Variants in UST observed in about 807,000 individuals in gnomAD.
UST encodes chondroitin sulfate 2-O-sulfotransferase.
Under a neutral mutation model 45.6 loss-of-function variants are expected in UST, and 21 were observed. The ratio of observed to expected loss-of-function variants is 0.46; its 90% CI spans 0.33 to 0.66. The LOEUF (loss-of-function observed/expected upper bound fraction) is 0.66, where lower values mean the gene tolerates loss of function less well. Ranked by LOEUF, UST falls within the 30% of genes least tolerant of loss-of-function variation. The probability of loss-of-function intolerance (pLI) is 0.02; values close to 1 mark genes in which losing one functional copy is unlikely to be tolerated. For missense variants in UST, 463 were observed against 512.4 expected (o/e 0.90, Z 0.93); for synonymous variants, 215 against 200.6 (o/e 1.07, Z -0.61).
At chr6:148,926,442 G>A (rs1779816498) in intron 2 of UST, among the ~76,000 whole-genome samples, 1 of 152,240 alleles carries the variant, frequency 6.6e-6, no homozygotes, top group Non-Finnish European at 1.5e-5. Flanking sequence ...GCATTAAGCA[G>A]TCCAGGTCTG....
Position 149,062,072 on chromosome 6 carries a change from G to A in UST, c.938-11761G>A, listed in dbSNP as rs537748984. On this transcript the variant is annotated intron_variant, in intron 7 of 7. Transcript: ENST00000367463. Reference sequence around the variant, plus strand: ...AGCACAAATTCATTAGCTGCAAGACGGTGGCTTCTACATAGCTATTTGTGT... The same window carrying A: ...AGCACAAATTCATTAGCTGCAAGACAGTGGCTTCTACATAGCTATTTGTGT... Among the ~76,000 whole-genome samples, 15 of 152,328 alleles carry A rather than the reference G, an allele frequency of 9.8e-5. No individual in the cohort carries two copies. In the South Asian group the frequency reaches 2.5e-3, roughly 25 times the overall value.
chr6:148,947,889 A>C (rs1025270747), intron 3 of UST, among the ~76,000 whole-genome samples: 4 of 151,510 alleles, frequency 2.6e-5, no homozygotes, highest in Non-Finnish European at 1.5e-5. Context: ...AGCCCTACAC[A>C]CAGAAACTGA....
At chr6:149,030,532 CTGTT>C (rs1389205282) in intron 7 of UST, among the ~76,000 whole-genome samples, 1 of 152,008 alleles carries the variant, frequency 6.6e-6, no homozygotes, top group Non-Finnish European at 1.5e-5. Context: ...ACGTATCTGT[CTGTT>C]CACTAAGAAA....
intron 5 of UST, among the ~76,000 whole-genome samples, chr6:148,995,875 C>T (rs1466745579): frequency 2.6e-5 from 4 of 152,248 alleles, no homozygotes; most frequent in Non-Finnish European, 4.4e-5. Flanking sequence ...CTCCACCCCT[C>T]AGTATCTGCA....
intron 1 of UST, among the ~76,000 whole-genome samples, chr6:148,767,005 G>T (rs1267034803): frequency 9.2e-5 from 14 of 152,146 alleles, no homozygotes; most frequent in Non-Finnish European, 2.1e-4. Context: ...CAAATCACTC[G>T]AGGATTTGTT....
At chr6:149,037,060 C>A (rs149174900) in intron 7 of UST, among the ~76,000 whole-genome samples, 1 of 152,100 alleles carries the variant, frequency 6.6e-6, no homozygotes, top group African/African-American at 2.4e-5. Context: ...AACGTGTTCC[C>A]CAGGTTATGC....
chr6:148,954,545 T>C (rs1780442490), intron 4 of UST, among the ~76,000 whole-genome samples: 1 of 152,310 alleles, frequency 6.6e-6, no homozygotes. Context: ...GTATTCAGTA[T>C]AGTCACATGC....
chr6:148,957,384 C>A (rs1191344421), intron 4 of UST, among the ~76,000 whole-genome samples: 1 of 152,212 alleles, frequency 6.6e-6, no homozygotes, highest in East Asian at 1.9e-4. Flanking sequence ...AGGAAAATTT[C>A]TCTGTCAATA....
intron 1 of UST, among the ~76,000 whole-genome samples, chr6:148,754,993 A>G (rs1179403948): frequency 6.6e-6 from 1 of 152,228 alleles, no homozygotes; most frequent in Non-Finnish European, 1.5e-5. Flanking sequence ...GATAGTTAAC[A>G]CTTAACCTAT....
At chr6:148,858,511 ATTATAC>A (rs1778247510) in intron 1 of UST, among the ~76,000 whole-genome samples, 2 of 150,110 alleles carry the variant, frequency 1.3e-5, no homozygotes, top group Non-Finnish European at 3.0e-5. Flanking sequence ...TTTTTTTTTA[ATTATAC>A]TTTAAGTTCT....
chr6:149,069,036 C>T (rs1776782397), intron 7 of UST, among the ~76,000 whole-genome samples: 1 of 152,168 alleles, frequency 6.6e-6, no homozygotes, highest in African/African-American at 2.4e-5. Context: ...ACATGATGAC[C>T]TCCAGTTCCA....
chr6:148,930,454 T>C (rs1779899848), intron 2 of UST, among the ~76,000 whole-genome samples: 1 of 152,210 alleles, frequency 6.6e-6, no homozygotes, highest in African/African-American at 2.4e-5. Context: ...CAATTTCTTA[T>C]GCCTAACCAA....
chr6:148,990,424 G>T, intron 5 of UST: 1 of 985,256 alleles, frequency 1.0e-6, no homozygotes, highest in Non-Finnish European at 1.2e-6. Context: ...GATGTTTCAT[G>T]ATAAGGTAAC....
chr6:148,894,880 C>G (rs553061739), intron 2 of UST, among the ~76,000 whole-genome samples: 1 of 133,854 alleles, frequency 7.5e-6, no homozygotes, highest in Non-Finnish European at 1.5e-5. Flanking sequence ...TGTAGTGGCG[C>G]GATCTTGGCT....
intron 1 of UST, among the ~76,000 whole-genome samples, chr6:148,816,226 CCT>C (rs1298714209): frequency 2.0e-5 from 3 of 152,116 alleles, no homozygotes; most frequent in African/African-American, 7.2e-5. Flanking sequence ...ACCACAGTCC[CCT>C]GATTGGTCTC....
intron 3 of UST, among the ~76,000 whole-genome samples, chr6:148,946,206 G>T (rs1229457836): frequency 1.3e-5 from 2 of 152,066 alleles, no homozygotes; most frequent in Non-Finnish European, 2.9e-5. Flanking sequence ...TGGTTAATCG[G>T]GCCTCTGTTT....
chr6:148,981,900 G>A (rs992735913), intron 5 of UST, among the ~76,000 whole-genome samples: 12 of 152,118 alleles, frequency 7.9e-5, no homozygotes, highest in African/African-American at 2.4e-5. Flanking sequence ...ACCTGACACT[G>A]GGTAATTTAT....
chr6:148,820,774 A>C (rs191626684), intron 1 of UST, among the ~76,000 whole-genome samples: 1,547 of 149,572 alleles, frequency 0.01, 16 homozygotes, highest in Admixed American at 0.02. Flanking sequence ...AATGGCGTGA[A>C]CCTGGGAGGT....
chr6:148,787,197 CT>C (rs999128551), intron 1 of UST, among the ~76,000 whole-genome samples: 1 of 152,130 alleles, frequency 6.6e-6, no homozygotes, highest in Non-Finnish European at 1.5e-5. Flanking sequence ...TGCAGAAGCT[CT>C]TTAGTTTAAT....
Sources: allele counts gnomAD v4.1 joint callset (sites outside exome capture counted in the v4.1 genomes callset), GRCh38; gene constraint gnomAD v4.1.1; transcripts MANE v1.5; gene names NCBI Gene and HGNC (gene_info 2026-07-23, HGNC 2026-07-21).